The following XKR4 variants were observed in gnomAD, a reference collection of about 807,000 sequenced individuals.
The protein encoded by XKR4 is XK-related protein 4.
XKR4 carries 12 observed loss-of-function variants against 53.9 expected under a neutral mutation model. The ratio of observed to expected loss-of-function variants is 0.22; its 90% CI spans 0.14 to 0.36. The LOEUF (loss-of-function observed/expected upper bound fraction) is 0.36, where lower values mean the gene tolerates loss of function less well. Among genes scored for constraint, XKR4 ranks in the 10% least tolerant of loss-of-function variants. XKR4 has a pLI of 1.00. For missense variants in XKR4, 799 were observed against 859.5 expected (o/e 0.93, Z 0.88); for synonymous variants, 354 against 362.4 (o/e 0.98, Z 0.26).
chr8:55,270,125 C>T (rs921270474), intron 1 of XKR4, among the ~76,000 whole-genome samples: 1 of 152,098 alleles, frequency 6.6e-6, no homozygotes, highest in Non-Finnish European at 1.5e-5. Flanking sequence ...GGGGTGTGTT[C>T]CCTGCACTCT....
In XKR4 at chr8:55,161,313, A is replaced by G. The variant is rs535370331; in HGVS notation, c.806+58019A>G. Among the ~76,000 whole-genome samples, 41 of 152,242 alleles carry G rather than the reference A, an allele frequency of 2.7e-4. No homozygotes were observed. In the South Asian group the frequency reaches 8.6e-3, roughly 32 times the overall value. ...CTCGCAGACATCTTTCCCAGAAAAA[A>G]AAGAGATGCAGATTTAGACTTATTC... On this transcript the variant is annotated intron_variant, in intron 1 of 2. Transcript: ENST00000327381.
chr8:55,243,096 C>T (rs180936248), intron 1 of XKR4, among the ~76,000 whole-genome samples: 1 of 152,240 alleles, frequency 6.6e-6, no homozygotes, highest in East Asian at 1.9e-4. Context: ...TTCCCATATA[C>T]CATCTACCCC....
intron 1 of XKR4, among the ~76,000 whole-genome samples, chr8:55,299,942 C>T (rs900522320): frequency 1.3e-5 from 2 of 152,096 alleles, no homozygotes; most frequent in African/African-American, 4.8e-5. Flanking sequence ...CTCACACTCA[C>T]TGAAACCATG....
At chr8:55,323,107 T>C (rs1359055582) in intron 1 of XKR4, among the ~76,000 whole-genome samples, 2 of 152,246 alleles carry the variant, frequency 1.3e-5, no homozygotes, top group Non-Finnish European at 2.9e-5. Context: ...AAATCATGAA[T>C]GGATGTTACA....
Position 55,102,500 on chromosome 8 carries a change from A to T in XKR4, c.12A>T (p.Lys4Asn). Residue 4 changes from lysine to asparagine, a missense_variant, in exon 1 of 3, where the codon AAA becomes AAT. Lys to Asn is a moderately conservative substitution (Grantham distance 94). This residue lies in a region of XKR4 where 476 missense variants were observed against 505.4 expected (regional missense o/e 0.94). Transcript: ENST00000327381. This position sits in a 1 kb window ranked among gnomAD's most constrained non-coding sequence, Gnocchi z 5.1. MAA[K>N]SDGRLKMKKS... is the part of the protein sequence containing the mutation. ...GGTGTGGAGGCATCATGGCCGCTAA[A>T]TCAGACGGGAGGCTGAAAATGAAGA... is the stretch of plus-strand genomic sequence containing the variant. The T allele has an allele frequency of 6.5e-7, 1 of 1,547,732 alleles. No homozygotes were observed. The highest frequency in any genetic ancestry group is 1.1e-5 in the South Asian group (1 of 88,686).
chr8:55,234,197 G>A (rs1818087951), intron 1 of XKR4, among the ~76,000 whole-genome samples: 1 of 152,158 alleles, frequency 6.6e-6, no homozygotes, highest in Admixed American at 6.5e-5. Context: ...GAGCTGCTCA[G>A]ACCTGAAAAT....
chr8:55,483,740 AAAAGTGAAAAG>A (rs1806149995), intron 2 of XKR4, among the ~76,000 whole-genome samples: 1 of 148,258 alleles, frequency 6.7e-6, no homozygotes. Context: ...CATCCATTAG[AAAAGTGAAAAG>A]CCTCTCCCTT....
At chr8:55,450,257 C>T in intron 2 of XKR4, 2 of 668,522 alleles carry the variant, frequency 3.0e-6, no homozygotes, top group South Asian at 3.4e-5. Context: ...TCCTCAGGGG[C>T]TCAGGGGGTT....
chr8:55,302,307 G>T (rs1415406023), intron 1 of XKR4, among the ~76,000 whole-genome samples: 16 of 152,132 alleles, frequency 1.1e-4, no homozygotes, highest in Admixed American at 5.9e-4. Flanking sequence ...GATGGTTGTA[G>T]ATATGTGGCA....
chr8:55,280,531 A>G (rs1266243770), intron 1 of XKR4, among the ~76,000 whole-genome samples: 2 of 152,200 alleles, frequency 1.3e-5, no homozygotes, highest in African/African-American at 4.8e-5. Context: ...TTCCATGATG[A>G]TGAGACCATA....
rs1563362136 is a variant in XKR4 at position 55,478,545 on chromosome 8, AACAAT to A, written c.1007-44734_1007-44730del. Among the ~76,000 whole-genome samples, 6 of 152,262 alleles carry A rather than the reference AACAAT, an allele frequency of 3.9e-5. No homozygotes were observed. The South Asian group carries it at 1.2e-3, about 32-fold the overall frequency. ...TAATGACAGGACCAACTCCACACAT[AACAAT>A]ATTAACTTTAAATGTAAATGGGCTA... On this transcript the variant is annotated intron_variant, in intron 2 of 2. Coordinates refer to ENST00000327381, the MANE Select transcript of XKR4 (RefSeq NM_052898.2).
At chr8:55,297,641 TA>T (rs934391179) in intron 1 of XKR4, among the ~76,000 whole-genome samples, 3 of 152,330 alleles carry the variant, frequency 2.0e-5, no homozygotes, top group Non-Finnish European at 4.4e-5. Flanking sequence ...AATGTTGTCA[TA>T]ACTTTTTAAC....
At chr8:55,152,269 GT>G (rs908798496) in intron 1 of XKR4, among the ~76,000 whole-genome samples, 26 of 152,226 alleles carry the variant, frequency 1.7e-4, no homozygotes, top group South Asian at 6.2e-4. Flanking sequence ...AGCTTTGATA[GT>G]TTTATTATCT....
At chr8:55,465,176 C>T (rs1805739049) in intron 2 of XKR4, among the ~76,000 whole-genome samples, 1 of 152,082 alleles carries the variant, frequency 6.6e-6, no homozygotes, top group Non-Finnish European at 1.5e-5. Context: ...CCTGCATTGC[C>T]AAGTCAATCC....
intron 2 of XKR4, among the ~76,000 whole-genome samples, chr8:55,372,332 C>T (rs1242740721): frequency 6.6e-6 from 1 of 152,208 alleles, no homozygotes; most frequent in African/African-American, 2.4e-5. Context: ...CCACATTTAT[C>T]TGCCATTCAC....
intron 2 of XKR4, among the ~76,000 whole-genome samples, chr8:55,427,245 A>G (rs1004190896): frequency 6.6e-5 from 10 of 152,252 alleles, no homozygotes; most frequent in African/African-American, 2.4e-4. Flanking sequence ...AAGTAAAAGT[A>G]TATTAGATGA....
chr8:55,294,869 G>A (rs1819080056), intron 1 of XKR4, among the ~76,000 whole-genome samples: 2 of 152,100 alleles, frequency 1.3e-5, no homozygotes, highest in Admixed American at 1.3e-4. Flanking sequence ...AAGACCTCAG[G>A]ATATGAGTAG....
rs1185566562 is a variant in XKR4, at chr8:55,148,701, AT to A, written c.806+45414del. 2.6e-5 allele frequency among the ~76,000 whole-genome samples: 4 copies of A among 152,174 alleles called. No homozygotes were observed. In the East Asian group the frequency reaches 5.8e-4, roughly 22 times the overall value. ...TTATTTGTCTTTGAAATAATTAAAG[AT>A]TTTTTTCTTTTCTTTATTTCCTTAA... On this transcript the variant is annotated intron_variant, in intron 1 of 2. Transcript: ENST00000327381.
intron 2 of XKR4, among the ~76,000 whole-genome samples, chr8:55,424,873 C>T (rs1160772820): frequency 2.0e-5 from 3 of 152,214 alleles, no homozygotes; most frequent in Non-Finnish European, 4.4e-5. Flanking sequence ...AGCAGTGGAC[C>T]ACAGACATTT....
Sources: gnomAD v4.1 joint callset for allele counts (sites outside exome capture counted in the v4.1 genomes callset) on GRCh38, gnomAD v4.1.1 for gene constraint, gnomAD v4.1.1 regional missense constraint, Gnocchi (gnomAD v3.1) non-coding constraint, MANE v1.5 for transcripts, NCBI Gene and HGNC (gene_info 2026-07-23, HGNC 2026-07-21) for gene names.